Variants in NRXN3 observed in about 807,000 individuals in gnomAD.
NRXN3 encodes neurexin 3.
Under a neutral mutation model 137.6 loss-of-function variants are expected in NRXN3, and 32 were observed. That is an observed-to-expected ratio of 0.23 (90% CI 0.18 to 0.31). The LOEUF (loss-of-function observed/expected upper bound fraction) is 0.31, where lower values mean the gene tolerates loss of function less well. Ranked by LOEUF, NRXN3 falls within the 10% of genes least tolerant of loss-of-function variation. The probability of loss-of-function intolerance (pLI) is 1.00; values close to 1 mark genes in which losing one functional copy is unlikely to be tolerated. For synonymous variants in NRXN3, 798 were observed against 784.5 expected (o/e 1.02, Z -0.29); for missense variants, 1,574 against 2,062.5 (o/e 0.76, Z 4.59).
chr14:79,176,903 C>T (rs114556481), intron 15 of NRXN3, among the ~76,000 whole-genome samples: 1,936 of 152,270 alleles, frequency 0.013, 37 homozygotes, highest in African/African-American at 0.044. Flanking sequence ...CACAGGATCC[C>T]TATCACAGTC....
chr14:79,474,503 T>C (rs1373641682), intron 16 of NRXN3, among the ~76,000 whole-genome samples: 4 of 152,114 alleles, frequency 2.6e-5, no homozygotes, highest in African/African-American at 9.7e-5. Context: ...ATGAAGACTT[T>C]TGGAGCATCT....
intron 4 of NRXN3, among the ~76,000 whole-genome samples, chr14:78,562,710 A>G (rs908392951): frequency 1.2e-4 from 18 of 152,314 alleles, no homozygotes; most frequent in Middle Eastern, 3.4e-3. Context: ...AAACCACTCA[A>G]TTGACCCCAG....
In NRXN3 at chr14:78,360,275, C is replaced by T. The variant is rs551043693; in HGVS notation, c.757+62415C>T. Among the ~76,000 whole-genome samples the T allele has an allele frequency of 3.6e-4, 55 of 152,170 alleles. No individual in the cohort carries two copies. The South Asian group carries it at 7.5e-3, about 21-fold the overall frequency. On this transcript the variant is annotated intron_variant, in intron 4 of 20. Coordinates refer to ENST00000335750, the MANE Select transcript of NRXN3 (RefSeq NM_001330195.2). Reference sequence around the variant, plus strand: ...CCCCATCCAGGCTACTGAATTAGACCGTCTAGGGGTCGGGGTCCTTTCACT... The same window carrying T: ...CCCCATCCAGGCTACTGAATTAGACTGTCTAGGGGTCGGGGTCCTTTCACT...
intron 8 of NRXN3, among the ~76,000 whole-genome samples, chr14:78,776,220 G>T (rs943788334): frequency 6.6e-6 from 1 of 152,186 alleles, no homozygotes; most frequent in Non-Finnish European, 1.5e-5. Flanking sequence ...TGTGCCAATT[G>T]CCTGCCCTAC....
At chr14:79,738,473 G>T (rs531701258) in intron 19 of NRXN3, among the ~76,000 whole-genome samples, 1 of 152,242 alleles carries the variant, frequency 6.6e-6, no homozygotes, top group South Asian at 2.1e-4. Context: ...AGAGAATGTG[G>T]CCCTGCTGAT....
chr14:79,683,088 C>CT (rs1379562219), intron 17 of NRXN3, among the ~76,000 whole-genome samples: 1 of 152,116 alleles, frequency 6.6e-6, no homozygotes, highest in Non-Finnish European at 1.5e-5. Context: ...ATTAGAAGTG[C>CT]TTAAGGAACT....
intron 4 of NRXN3, among the ~76,000 whole-genome samples, chr14:78,332,155 A>G (rs1168609597): frequency 1.3e-5 from 2 of 152,146 alleles, no homozygotes; most frequent in Non-Finnish European, 2.9e-5. Context: ...TTTCAAAGTA[A>G]ATTAATTGGC....
chr14:78,902,271 G>A (rs1244858486), intron 10 of NRXN3, among the ~76,000 whole-genome samples: 3 of 152,032 alleles, frequency 2.0e-5, no homozygotes, highest in Non-Finnish European at 4.4e-5. Flanking sequence ...ATTACTCCAT[G>A]AAAGGAATAG....
At chr14:78,804,654 A>G (rs1272051994) in intron 9 of NRXN3, among the ~76,000 whole-genome samples, 2 of 152,292 alleles carry the variant, frequency 1.3e-5, no homozygotes, top group South Asian at 2.1e-4. Context: ...GTAATTACCT[A>G]TAACAGAATC....
chr14:78,562,078 G>C (rs1287463192), intron 4 of NRXN3, among the ~76,000 whole-genome samples: 1 of 152,082 alleles, frequency 6.6e-6, no homozygotes, highest in East Asian at 1.9e-4. Context: ...CCCTATGATG[G>C]CTTCGATCAA....
chr14:78,410,471 A>C (rs533684422), intron 4 of NRXN3, among the ~76,000 whole-genome samples: 4 of 152,238 alleles, frequency 2.6e-5, no homozygotes, highest in African/African-American at 4.8e-5. Context: ...TAAATGGACT[A>C]TAAGACATAA....
chr14:78,305,598 C>G (rs924870856), intron 4 of NRXN3, among the ~76,000 whole-genome samples: 3 of 152,154 alleles, frequency 2.0e-5, no homozygotes, highest in Non-Finnish European at 4.4e-5. Context: ...ATTTGAGGAG[C>G]TGAGCCCCCT....
intron 4 of NRXN3, among the ~76,000 whole-genome samples, chr14:78,513,531 G>T (rs75611892): frequency 6.6e-6 from 1 of 152,022 alleles, no homozygotes; most frequent in Non-Finnish European, 1.5e-5. Context: ...ATCTCATTTC[G>T]CATGACCATT....
At chr14:79,597,304 A>C (rs1474289399) in intron 16 of NRXN3, among the ~76,000 whole-genome samples, 3 of 152,176 alleles carry the variant, frequency 2.0e-5, no homozygotes, top group African/African-American at 7.2e-5. Context: ...AGTGCAAGTT[A>C]ACCTGTTATG....
At chr14:78,978,014 T>G (rs889496995) in intron 14 of NRXN3, among the ~76,000 whole-genome samples, 13 of 152,160 alleles carry the variant, frequency 8.5e-5, no homozygotes, top group African/African-American at 3.1e-4. Context: ...TTCCCATCCA[T>G]GGCCATAACC....
At chr14:79,292,866 G>T (rs368435378) in intron 15 of NRXN3, among the ~76,000 whole-genome samples, 1 of 152,172 alleles carries the variant, frequency 6.6e-6, no homozygotes, top group Non-Finnish European at 1.5e-5. Context: ...TAAGTCTGCC[G>T]TGCATTACAG....
rs375216145 is a variant in NRXN3 at position 79,230,316 on chromosome 14, G to C, written c.3263-236905G>C. Among the ~76,000 whole-genome samples, 72 of 152,238 alleles carry C rather than the reference G, an allele frequency of 4.7e-4. 2 individuals are homozygous for C. In the South Asian group the frequency reaches 9.1e-3, roughly 19 times the overall value. ...ACTAACACTCTCCTATCATTGTTGGGTGCTGAGAGAGCTGGTGGTCCCTGC... is the reference window on the plus strand; with the variant it reads ...ACTAACACTCTCCTATCATTGTTGGCTGCTGAGAGAGCTGGTGGTCCCTGC... On this transcript the variant is annotated intron_variant, in intron 15 of 20. Coordinates refer to ENST00000335750, the MANE Select transcript of NRXN3 (RefSeq NM_001330195.2).
intron 4 of NRXN3, among the ~76,000 whole-genome samples, chr14:78,377,669 C>T (rs542726352): frequency 1.1e-4 from 16 of 152,158 alleles, no homozygotes; most frequent in Non-Finnish European, 2.1e-4. Flanking sequence ...TCTGCTGAGG[C>T]CTCTCTCTTT....
At chr14:78,516,553 G>A (rs928531008) in intron 4 of NRXN3, among the ~76,000 whole-genome samples, 14 of 151,592 alleles carry the variant, frequency 9.2e-5, no homozygotes, top group African/African-American at 2.9e-4. Context: ...ATTGCAGGGG[G>A]CTTTCAATTT....
Sources: allele counts gnomAD v4.1 joint callset (sites outside exome capture counted in the v4.1 genomes callset), GRCh38; gene constraint gnomAD v4.1.1; transcripts MANE v1.5; gene names NCBI Gene and HGNC (gene_info 2026-07-23, HGNC 2026-07-21).